TEX9: variants seen among roughly 807,000 people sequenced by gnomAD.
TEX9 encodes testis-expressed protein 9.
In TEX9, 74 loss-of-function variants were observed where a neutral mutation model predicts 59.6. The observed-to-expected ratio is 1.24, with a 90% CI of 1.03 to 1.51. The LOEUF is 1.51. TEX9 is among the 40% of genes most tolerant of loss of function. TEX9 has a pLI of 0.00. For synonymous variants in TEX9, 186 were observed against 152.2 expected (o/e 1.22, Z -1.64); for missense variants, 522 against 447.8 (o/e 1.17, Z -1.49).
rs559996431 is a variant in TEX9 at position 56,332,427 on chromosome 15, C to T, written c.-106-41014C>T. On this transcript the variant is annotated intron_variant, in intron 1 of 5. Coordinates refer to the TEX9 transcript ENST00000560827. ...AGGTGGGAATTGAACAATGAGATCA[C>T]ATGGACACAGGAAGGGGAATATCAC... is the stretch of plus-strand genomic sequence containing the variant. Among the ~76,000 whole-genome samples, 309 of 142,354 alleles carry T rather than the reference C, an allele frequency of 2.2e-3. 1 individual carries two copies. The highest frequency in any genetic ancestry group is 7.6e-3 in the African/African-American group (289 of 37,786). The allele number at this position is 142,354 out of a possible 152,430, so 93.4% of individuals were successfully genotyped here. A position where few individuals can be genotyped will look rare whatever the true frequency, so the allele number is the denominator to read the frequency against.
At chr15:56,389,281 C>T in intron 5 of TEX9, 37 bp from the exon 6 acceptor site, 1 of 1,518,820 alleles carries the variant, frequency 6.6e-7, no homozygotes, top group Non-Finnish European at 9.1e-7. Context: ...AATGATTAGA[C>T]TCTAATTAGT....
intron 9 of TEX9, among the ~76,000 whole-genome samples, chr15:56,405,595 T>C (rs547429554): frequency 6.6e-6 from 1 of 152,322 alleles, no homozygotes; most frequent in Admixed American, 6.5e-5. Context: ...TTATAAAAGC[T>C]TCCATTGGAT....
chr15:56,424,370 G>T (rs2050142557), intron 10 of TEX9, among the ~76,000 whole-genome samples: 1 of 152,050 alleles, frequency 6.6e-6, no homozygotes, highest in Non-Finnish European at 1.5e-5. Context: ...TTAAACCTAT[G>T]CATATCTCTG....
intron 1 of TEX9, among the ~76,000 whole-genome samples, chr15:56,256,592 A>G (rs570954958): frequency 6.6e-6 from 1 of 152,128 alleles, no homozygotes; most frequent in Non-Finnish European, 1.5e-5. Flanking sequence ...GTATAAAACT[A>G]AGAGATGATT....
chr15:56,321,943 A>G (rs1291004887), intron 1 of TEX9, among the ~76,000 whole-genome samples: 1 of 151,926 alleles, frequency 6.6e-6, no homozygotes, highest in African/African-American at 2.4e-5. Flanking sequence ...TTGACTGTAA[A>G]TTGGCTGCCT....
chr15:56,278,242 A>T (rs1413760725), intron 1 of TEX9, among the ~76,000 whole-genome samples: 1 of 152,150 alleles, frequency 6.6e-6, no homozygotes, highest in East Asian at 1.9e-4. Context: ...TGCACATATT[A>T]TCCTTTCTCC....
At chr15:56,429,850 T>C (rs1421836829) in intron 12 of TEX9, 1 of 152,174 alleles carries the variant, frequency 6.6e-6, no homozygotes, top group African/African-American at 2.4e-5. Flanking sequence ...GGATATCAAG[T>C]TTATTAATCC....
chr15:56,359,158 T>C (rs1353049502), intron 1 of TEX9, among the ~76,000 whole-genome samples: 1 of 152,202 alleles, frequency 6.6e-6, no homozygotes, highest in African/African-American at 2.4e-5. Flanking sequence ...GAGTATTGGT[T>C]GGATATTTTA....
intron 1 of TEX9, among the ~76,000 whole-genome samples, chr15:56,310,674 A>G (rs1348914910): frequency 6.6e-6 from 1 of 152,184 alleles, no homozygotes; most frequent in East Asian, 1.9e-4. Flanking sequence ...GGAAGCCTGG[A>G]CAGGTTAAAG....
chr15:56,352,104 G>C (rs987880986), intron 1 of TEX9, among the ~76,000 whole-genome samples: 2 of 152,164 alleles, frequency 1.3e-5, no homozygotes, highest in African/African-American at 2.4e-5. Context: ...AAGAATGAAA[G>C]AACCCACAAC....
chr15:56,340,485 T>C (rs1008634570), intron 1 of TEX9, among the ~76,000 whole-genome samples: 8 of 152,220 alleles, frequency 5.3e-5, no homozygotes, highest in Admixed American at 3.3e-4. Flanking sequence ...GAATTTTCCA[T>C]TTCATTTAAA....
At chr15:56,389,281 C>A (rs917734935) in intron 5 of TEX9, 37 bp from the exon 6 acceptor site, 1 of 1,518,816 alleles carries the variant, frequency 6.6e-7, no homozygotes, top group South Asian at 1.1e-5. Context: ...AATGATTAGA[C>A]TCTAATTAGT....
rs574951908 is a variant in TEX9 at position 56,253,734 on chromosome 15, T to G, written c.-107+9456T>G. Among the ~76,000 whole-genome samples, 11 of 152,190 alleles carry G rather than the reference T, an allele frequency of 7.2e-5. No homozygotes were observed. In the East Asian group the frequency reaches 2.1e-3, roughly 29 times the overall value. On this transcript the variant is annotated intron_variant, in intron 1 of 5. Coordinates refer to the TEX9 transcript ENST00000560827. ...GATGAGCTTGTTAGCCAAATCTGAC[T>G]GAAAATGTCACTTATCGCTGCCCAA...
intron 12 of TEX9, chr15:56,434,125 A>G: frequency 6.2e-7 from 1 of 1,603,344 alleles, no homozygotes; most frequent in Non-Finnish European, 8.5e-7. Flanking sequence ...AAAACCCCAC[A>G]ACTTTTTCTT....
Position 56,383,804 on chromosome 15 carries a change from A to C in TEX9, c.184-148A>C, listed in dbSNP as rs1421002017. On this transcript the variant is annotated intron_variant, in intron 3 of 12. Transcript: ENST00000352903. ...AACTAGTGTTATAGACCTTATCTTC[A>C]TACTATAGCATTTAGAATTCCGTGC... 1.8e-5 allele frequency: 10 copies of C among 547,158 alleles called. No homozygotes were observed. The East Asian group carries it at 3.0e-4, about 17-fold the overall frequency. The allele number at this position is 547,158 out of a possible 1,614,324, so 33.9% of individuals were successfully genotyped here. A position where few individuals can be genotyped will look rare whatever the true frequency, so the allele number is the denominator to read the frequency against.
intron 1 of TEX9, among the ~76,000 whole-genome samples, chr15:56,358,027 T>C (rs967715493): frequency 6.6e-6 from 1 of 152,138 alleles, no homozygotes; most frequent in South Asian, 2.1e-4. Flanking sequence ...TAGAAATTTT[T>C]TCTTGAAAAA....
chr15:56,423,821 A>C (rs1297305269), intron 10 of TEX9, among the ~76,000 whole-genome samples: 1 of 152,144 alleles, frequency 6.6e-6, no homozygotes, highest in Non-Finnish European at 1.5e-5. Context: ...TGTTGGTTAC[A>C]CAGATAAGTG....
the TEX9 span, among the ~76,000 whole-genome samples, chr15:56,454,575 C>G: frequency 6.6e-6 from 1 of 151,950 alleles, no homozygotes; most frequent in Non-Finnish European, 1.5e-5. Context: ...GTTCTGGCTG[C>G]TTTTTTATGA....
chr15:56,394,285 A>G, intron 8 of TEX9, 38 bp downstream of exon 8: 1 of 1,500,148 alleles, frequency 6.7e-7, no homozygotes, highest in Non-Finnish European at 9.0e-7. Context: ...TCTAATATTC[A>G]AAGATATTTT....
Sources: allele counts gnomAD v4.1 joint callset (sites outside exome capture counted in the v4.1 genomes callset), GRCh38; gene constraint gnomAD v4.1.1; transcripts MANE v1.5; gene names NCBI Gene and HGNC (gene_info 2026-07-23, HGNC 2026-07-21).